Variants in PECAM1 observed in about 807,000 individuals in gnomAD.
PECAM1 encodes platelet and endothelial cell adhesion molecule 1.
Under a neutral mutation model 13.8 loss-of-function variants are expected in PECAM1, and 8 were observed. The ratio of observed to expected loss-of-function variants is 0.58; its 90% CI spans 0.34 to 1.05. The LOEUF (loss-of-function observed/expected upper bound fraction) is 1.05, where lower values mean the gene tolerates loss of function less well. PECAM1 is among the 50% of genes least tolerant of loss of function. The pLI is 0.03. For missense variants in PECAM1, 304 were observed against 141.2 expected (o/e 2.15, Z -5.84); for synonymous variants, 136 against 52.6 (o/e 2.58, Z -6.86).
At chr17:64,372,007 G>T (rs1355988370) in intron 4 of PECAM1, among the ~76,000 whole-genome samples, 2 of 151,918 alleles carry the variant, frequency 1.3e-5, no homozygotes, top group Non-Finnish European at 2.9e-5. Flanking sequence ...TGTAATAGAT[G>T]AATAAACAAA....
chr17:64,356,148 G>A lies in PECAM1; in HGVS notation c.1743C>T (p.Ala581=). The A allele has an allele frequency of 2.1e-6, 1 of 475,172 alleles. No homozygotes were observed. Among genetic ancestry groups the A allele is most frequent in the Admixed American group, 3.2e-5 (1 of 31,670 alleles). 29.4% of individuals were successfully genotyped at this position (475,172 alleles called of 1,614,324 possible). Residue 581 remains alanine (A), a synonymous_variant, in exon 8 of 16, where the codon GCC becomes GCT. Transcript: ENST00000563924. ...YCTAFNRANH[A]SSVPRSKILT... is the part of the protein sequence containing the mutation. Reference sequence around the variant, plus strand: ...GTATTTTGCTTCTGGGGACACTGGAGGCGTGGTTGGCTCTGTTGAAGGCTG... The same window carrying A: ...GTATTTTGCTTCTGGGGACACTGGAAGCGTGGTTGGCTCTGTTGAAGGCTG...
rs965217091 is a variant in PECAM1, at chr17:64,369,199, C to T, written c.967+551G>A. Among the ~76,000 whole-genome samples the T allele has an allele frequency of 8.1e-4, 123 of 152,132 alleles. 1 individual carries two copies. The East Asian group carries it at 0.024, about 29-fold the overall frequency. On this transcript the variant is annotated intron_variant, in intron 5 of 15. Coordinates refer to ENST00000563924, the MANE Select transcript of PECAM1 (RefSeq NM_000442.5). Reference sequence around the variant, plus strand: ...ATCTGCCCACCTTGGCCTCCCAAGTCCTGGGATTACAGACGTGAGCCACCA... The same window carrying T: ...ATCTGCCCACCTTGGCCTCCCAAGTTCTGGGATTACAGACGTGAGCCACCA...
At position 64,321,799 on chromosome 17, in the gene PECAM1, A is replaced by G. The variant is rs945703794; in HGVS notation, c.*2017T>C. 40 of 1,334,936 alleles carry G rather than the reference A, an allele frequency of 3.0e-5. No homozygotes were observed. Among genetic ancestry groups the G allele is most frequent in the African/African-American group, 1.2e-4 (8 of 67,316 alleles). 82.7% of individuals were successfully genotyped at this position (1,334,936 alleles called of 1,614,324 possible). A position where few individuals can be genotyped will look rare whatever the true frequency, so the allele number is the denominator to read the frequency against. ...AAAACAAAAAATTCAGTCGTGCTGCATAAGTAAGGCACCAGGAGTAGGAAT... is the reference window on the plus strand; with the variant it reads ...AAAACAAAAAATTCAGTCGTGCTGCGTAAGTAAGGCACCAGGAGTAGGAAT... On this transcript the variant is annotated 3_prime_UTR_variant, in exon 16 of 16. Transcript: ENST00000563924.
At chr17:64,356,951 T>C (rs1339643982) in intron 7 of PECAM1, among the ~76,000 whole-genome samples, 2 of 152,168 alleles carry the variant, frequency 1.3e-5, no homozygotes, top group Admixed American at 1.3e-4. Flanking sequence ...CTCTCTCAAG[T>C]TTTGAAGAAA....
rs1185308055 is a variant in PECAM1, at chr17:64,320,590, G to C, written c.*3226C>G. The C allele has an allele frequency of 1.3e-5, 2 of 152,398 alleles. No individual in the cohort carries two copies. Among genetic ancestry groups the C allele is most frequent in the African/African-American group, 4.8e-5 (2 of 41,432 alleles). The allele number at this position is 152,398 out of a possible 1,614,324, so 9.4% of individuals were successfully genotyped here. A position where few individuals can be genotyped will look rare whatever the true frequency, so the allele number is the denominator to read the frequency against. On this transcript the variant is annotated 3_prime_UTR_variant, in exon 16 of 16. Coordinates refer to ENST00000563924, the MANE Select transcript of PECAM1 (RefSeq NM_000442.5). Reference sequence around the variant, plus strand: ...GCCCCTCCCATGTGCCCTTGTTTGAGCTTTTAATTTTCCACCATGACGCTT... The same window carrying C: ...GCCCCTCCCATGTGCCCTTGTTTGACCTTTTAATTTTCCACCATGACGCTT...
chr17:64,334,180 A>AGC (rs118199245), intron 14 of PECAM1, among the ~76,000 whole-genome samples: 9,311 of 149,172 alleles, frequency 0.062, 995 homozygotes, highest in African/African-American at 0.22. Context: ...AAGACCAGGC[A>AGC]GCTCCCCCAC....
chr17:64,372,356 A>T (rs941334833), intron 4 of PECAM1, among the ~76,000 whole-genome samples: 1 of 152,196 alleles, frequency 6.6e-6, no homozygotes, highest in East Asian at 1.9e-4. Flanking sequence ...CACTTTGGCA[A>T]TATCTAGCAC....
intron 5 of PECAM1, among the ~76,000 whole-genome samples, chr17:64,368,549 T>C (rs1330576947): frequency 2.0e-5 from 3 of 151,948 alleles, no homozygotes; most frequent in Non-Finnish European, 2.9e-5. Flanking sequence ...GAGCATGAAA[T>C]GAAAATATAT....
chr17:64,329,690 G>A lies in PECAM1; in HGVS notation c.2187+10C>T. The A allele has an allele frequency of 1.3e-6, 1 of 763,456 alleles. No homozygotes were observed. The allele number at this position is 763,456 out of a possible 1,614,324, so 47.3% of individuals were successfully genotyped here. On this transcript the variant is annotated intron_variant, in intron 15 of 15. Coordinates refer to ENST00000563924, the MANE Select transcript of PECAM1 (RefSeq NM_000442.5). ...CTTTTAAATATAATGTATATGAAAT[G>A]TGTACTTACAGAGTATCTGCTTTCC... is the stretch of plus-strand genomic sequence containing the variant.
At chr17:64,368,071 G>A (rs2036153057) in intron 5 of PECAM1, among the ~76,000 whole-genome samples, 1 of 152,140 alleles carries the variant, frequency 6.6e-6, no homozygotes, top group Non-Finnish European at 1.5e-5. Flanking sequence ...TGAACGTTAT[G>A]AATGCAGACA....
At chr17:64,360,518 T>C in intron 6 of PECAM1, 103 bp from the exon 7 acceptor site, 1 of 414,214 alleles carries the variant, frequency 2.4e-6, no homozygotes, top group East Asian at 3.5e-5. Context: ...TTTCTATCCC[T>C]GCTGTAATTT....
rs1362179460 is a variant in PECAM1 at position 64,377,952 on chromosome 17, G to C, written c.257C>G (p.Ser86Cys). ...YKDDVLFYNI[S>C]SMKSTESYFI... Reference sequence around the variant, plus strand: ...ATAACTCTCTGTGCTCTTCATGGAGGAGATGTTGTAAAACAGCACGTCATC... The same window carrying C: ...ATAACTCTCTGTGCTCTTCATGGAGCAGATGTTGTAAAACAGCACGTCATC... The change falls in exon 3 of 16, where the codon TCC becomes TGC. Residue 86 changes from serine to cysteine, a missense_variant. By Grantham distance (112) the Ser-to-Cys change is moderately radical. Coordinates refer to ENST00000563924, the MANE Select transcript of PECAM1 (RefSeq NM_000442.5). 5 of 475,320 alleles carry C rather than the reference G, an allele frequency of 1.1e-5. No individual in the cohort carries two copies. The highest frequency in any genetic ancestry group is 2.0e-5 in the African/African-American group (1 of 50,620). The allele number at this position is 475,320 out of a possible 1,614,324, so 29.4% of individuals were successfully genotyped here.
At position 64,361,129 on chromosome 17, in the gene PECAM1, A is replaced by ATGTGTGTGTGTGTGTG. The variant is rs145637288; in HGVS notation, c.1217-730_1217-715dup. On this transcript the variant is annotated intron_variant, in intron 6 of 15. Coordinates refer to ENST00000563924, the MANE Select transcript of PECAM1 (RefSeq NM_000442.5). ...AGCCACCACACCTGGCTGAGCATAT[A>ATGTGTGTGTGTGTGTG]TGTGTGTGTGTGTGTGTGTGTGTGT... Among the ~76,000 whole-genome samples, 221 of 137,266 alleles carry ATGTGTGTGTGTGTGTG rather than the reference A, an allele frequency of 1.6e-3. 1 individual carries two copies. Among genetic ancestry groups the ATGTGTGTGTGTGTGTG allele is most frequent in the African/African-American group, 5.2e-3 (183 of 35,534 alleles). The allele number at this position is 137,266 out of a possible 152,430, so 90.1% of individuals were successfully genotyped here. A position where few individuals can be genotyped will look rare whatever the true frequency, so the allele number is the denominator to read the frequency against.
Position 64,363,174 on chromosome 17 carries a change from G to A in PECAM1, c.1191C>T (p.Ser397=). Residue 397 remains serine (S), a synonymous_variant, in exon 6 of 16, where the codon AGC becomes AGT. Coordinates refer to ENST00000563924, the MANE Select transcript of PECAM1 (RefSeq NM_000442.5). ...TAGIDKVVKK[S]NTVQIVVCEM... is the part of the protein sequence containing the mutation. ...CACATACGACTATCTGGACTGTGTT[G>A]CTTTTCTTGACCACTTTGTCAATAC... The A allele has an allele frequency of 2.1e-6, 1 of 475,338 alleles. No individual in the cohort carries two copies. The allele number at this position is 475,338 out of a possible 1,614,324, so 29.4% of individuals were successfully genotyped here.
rs1210216970 is a variant in PECAM1, at chr17:64,369,940, T to A, written c.777A>T (p.Gln259His). ...GAQLHIKCTI[Q>H]VTHLAQEFPE... Reference sequence around the variant, plus strand: ...GAAACTCCTGGGCCAGGTGAGTCACTTGAATGGTGCACTTAATGTGGAGCT... The same window carrying A: ...GAAACTCCTGGGCCAGGTGAGTCACATGAATGGTGCACTTAATGTGGAGCT... The change falls in exon 5 of 16, where the codon CAA becomes CAT. Residue 259 changes from glutamine (Q) to histidine (H), a missense_variant. Coordinates refer to ENST00000563924, the MANE Select transcript of PECAM1 (RefSeq NM_000442.5). The A allele has an allele frequency of 7.5e-6, 3 of 398,532 alleles. No homozygotes were observed. The highest frequency in any genetic ancestry group is 6.2e-5 in the African/African-American group (3 of 48,624). The allele number at this position is 398,532 out of a possible 1,614,324, so 24.7% of individuals were successfully genotyped here.
chr17:64,388,482 C>T (rs938090187), intron 2 of PECAM1, among the ~76,000 whole-genome samples: 3 of 152,130 alleles, frequency 2.0e-5, no homozygotes, highest in South Asian at 2.1e-4. Flanking sequence ...TTCATGCCCA[C>T]GAAGTTCTCT....
intron 14 of PECAM1, 149 bp from the exon 15 acceptor site, chr17:64,329,871 A>G (rs1008244339): frequency 8.7e-6 from 6 of 687,074 alleles, no homozygotes; most frequent in Non-Finnish European, 1.4e-5. Context: ...TTAGAGGTTT[A>G]TGGCTCCTTT....
chr17:64,346,696 A>G (rs2035578302), intron 13 of PECAM1, among the ~76,000 whole-genome samples: 2 of 152,128 alleles, frequency 1.3e-5, no homozygotes. Flanking sequence ...AGCATTTTCT[A>G]TGGAGCAGCC....
intron 6 of PECAM1, 110 bp downstream of exon 6, chr17:64,363,039 T>C (rs2036021996): frequency 4.3e-6 from 2 of 466,724 alleles, no homozygotes; most frequent in South Asian, 1.4e-4. Flanking sequence ...CTCCCTCTAG[T>C]TCTTACCCTG....
Sources: allele counts gnomAD v4.1 joint callset (sites outside exome capture counted in the v4.1 genomes callset), GRCh38; gene constraint gnomAD v4.1.1; transcripts MANE v1.5; gene names NCBI Gene and HGNC (gene_info 2026-07-23, HGNC 2026-07-21).